The following NTRK3 variants were observed in gnomAD, a reference collection of about 807,000 sequenced individuals.
The protein encoded by NTRK3 is NT-3 growth factor receptor.
NTRK3 carries 24 observed loss-of-function variants against 91.7 expected under a neutral mutation model. The ratio of observed to expected loss-of-function variants is 0.26; its 90% CI spans 0.19 to 0.37. The LOEUF is 0.37. Among genes scored for constraint, NTRK3 ranks in the 10% least tolerant of loss-of-function variants. The probability of loss-of-function intolerance (pLI) is 1.00; values close to 1 mark genes in which losing one functional copy is unlikely to be tolerated. For missense variants in NTRK3, 880 were observed against 1,068.9 expected (o/e 0.82, Z 2.46); for synonymous variants, 483 against 404.0 (o/e 1.20, Z -2.34).
At chr15:88,217,402 G>A (rs2049875703) in intron 3 of NTRK3, among the ~76,000 whole-genome samples, 1 of 152,188 alleles carries the variant, frequency 6.6e-6, no homozygotes, top group African/African-American at 2.4e-5. Context: ...TACACACCAT[G>A]GACTACTATC....
chr15:87,952,116 G>A (rs2071167264), intron 14 of NTRK3, among the ~76,000 whole-genome samples: 1 of 148,728 alleles, frequency 6.7e-6, no homozygotes, highest in Non-Finnish European at 1.5e-5. Flanking sequence ...AACAGAGCAA[G>A]ATTCCATTTC....
intron 14 of NTRK3, among the ~76,000 whole-genome samples, chr15:87,956,274 T>G (rs2071644912): frequency 6.6e-6 from 1 of 152,006 alleles, no homozygotes; most frequent in Non-Finnish European, 1.5e-5. Context: ...GCTGTTCTGG[T>G]TTTTGTTGTT....
chr15:88,256,477 G>C (rs916873154), exon 2 of NTRK3: 13 of 521,604 alleles, frequency 2.5e-5, no homozygotes, highest in African/African-American at 4.1e-5. Context: ...CGCGCTCTCC[G>C]ACTCCGAGAC....
chr15:87,988,482 A>T (rs1011522797), intron 14 of NTRK3, among the ~76,000 whole-genome samples: 2 of 152,222 alleles, frequency 1.3e-5, no homozygotes, highest in Non-Finnish European at 2.9e-5. Context: ...TATCATGGTG[A>T]TATAGAATGA....
exon 19 of NTRK3, chr15:87,875,401 G>A (rs779032310): frequency 8.6e-6 from 2 of 231,616 alleles, no homozygotes; most frequent in Non-Finnish European, 1.7e-5. Flanking sequence ...GCAGCAGCCA[G>A]GAAGGCAGTG....
Position 88,234,459 on chromosome 15 carries a change from A to G in NTRK3, c.248+21447T>C, listed in dbSNP as rs2141786887. Among the ~76,000 whole-genome samples the G allele has an allele frequency of 6.6e-6, 1 of 152,252 alleles. No homozygotes were observed. Among genetic ancestry groups the G allele is most frequent in the Non-Finnish European group, 1.5e-5 (1 of 68,016 alleles). On this transcript the variant is annotated intron_variant, in intron 3 of 18. Coordinates refer to ENST00000394480, the Ensembl canonical transcript of NTRK3. The surrounding 1 kb of genome is among the most constrained non-coding windows in gnomAD (Gnocchi z 6.1). ...CTCCCCTCTCGACTTCCCCAGCCAGAATGAACTTTCTTCAGCTTCTTAAAG... is the reference window on the plus strand; with the variant it reads ...CTCCCCTCTCGACTTCCCCAGCCAGGATGAACTTTCTTCAGCTTCTTAAAG...
chr15:87,978,913 G>C, intron 14 of NTRK3: 1 of 314,590 alleles, frequency 3.2e-6, no homozygotes, highest in Non-Finnish European at 5.9e-6. Flanking sequence ...ATGGTATCCT[G>C]GGAGAGCCAG....
At chr15:88,253,428 G>A (rs2142044497) in intron 3 of NTRK3, 1 of 152,422 alleles carries the variant, frequency 6.6e-6, no homozygotes, top group South Asian at 2.1e-4. Flanking sequence ...ACCACCCCAA[G>A]CCTCCATTTC....
chr15:87,874,956 G>A (rs933561037), exon 19 of NTRK3: 1 of 232,776 alleles, frequency 4.3e-6, no homozygotes, highest in Non-Finnish European at 8.5e-6. Flanking sequence ...TCCCCTCCCA[G>A]TCCAGCTAAC....
chr15:88,124,258 C>T (rs530483511), intron 13 of NTRK3, among the ~76,000 whole-genome samples: 9 of 152,264 alleles, frequency 5.9e-5, no homozygotes, highest in East Asian at 5.8e-4. Context: ...CTTCCACCTA[C>T]GTGGACATGT....
intron 14 of NTRK3, among the ~76,000 whole-genome samples, chr15:87,973,848 C>T (rs2073470683): frequency 6.6e-6 from 1 of 152,188 alleles, no homozygotes; most frequent in Non-Finnish European, 1.5e-5. Flanking sequence ...GTCTCTCCCT[C>T]CCTGCCACCT....
chr15:88,253,443 G>A (rs988604109), intron 3 of NTRK3: 1 of 152,330 alleles, frequency 6.6e-6, no homozygotes, highest in Non-Finnish European at 1.5e-5. Flanking sequence ...CATTTCCTCA[G>A]AAGTCAAACA....
At chr15:88,082,411 T>G (rs1310274035) in intron 13 of NTRK3, among the ~76,000 whole-genome samples, 1 of 152,206 alleles carries the variant, frequency 6.6e-6, no homozygotes, top group South Asian at 2.1e-4. Flanking sequence ...ATCTGAAGTG[T>G]ACAGCTCAGG....
At chr15:87,971,007 C>G (rs550290821) in intron 14 of NTRK3, among the ~76,000 whole-genome samples, 1 of 152,164 alleles carries the variant, frequency 6.6e-6, no homozygotes, top group Admixed American at 6.5e-5. Context: ...GTCTTCTTAA[C>G]GACTAGGTTG....
At chr15:88,089,621 A>G (rs1043028172) in intron 13 of NTRK3, among the ~76,000 whole-genome samples, 4 of 152,212 alleles carry the variant, frequency 2.6e-5, no homozygotes, top group Non-Finnish European at 5.9e-5. Flanking sequence ...GCCTTAGGGC[A>G]CCTTGGATGA....
chr15:88,136,761 G>A, intron 7 of NTRK3, 152 bp from the exon 8 acceptor site: 2 of 903,938 alleles, frequency 2.2e-6, no homozygotes, highest in Non-Finnish European at 3.3e-6. Context: ...GCAAATCCAA[G>A]ACGCTTTACA....
chr15:87,943,085 C>T (rs2070063710), intron 14 of NTRK3, among the ~76,000 whole-genome samples: 1 of 152,018 alleles, frequency 6.6e-6, no homozygotes, highest in South Asian at 2.1e-4. Flanking sequence ...CTTGTTACAA[C>T]AGATTGCTGG....
At chr15:88,036,901 T>A (rs1265525791) in intron 13 of NTRK3, among the ~76,000 whole-genome samples, 2 of 152,174 alleles carry the variant, frequency 1.3e-5, no homozygotes, top group African/African-American at 4.8e-5. Context: ...AGATACCACA[T>A]CGAGACTTAA....
At chr15:88,022,402 T>A (rs1223154781) in intron 14 of NTRK3, among the ~76,000 whole-genome samples, 1 of 152,200 alleles carries the variant, frequency 6.6e-6, no homozygotes, top group African/African-American at 2.4e-5. Flanking sequence ...TATGTATATG[T>A]TTTACCTGGT....
Sources: gnomAD v4.1 joint callset for allele counts (sites outside exome capture counted in the v4.1 genomes callset) on GRCh38, gnomAD v4.1.1 for gene constraint, Gnocchi (gnomAD v3.1) non-coding constraint, MANE v1.5 for transcripts, NCBI Gene and HGNC (gene_info 2026-07-23, HGNC 2026-07-21) for gene names.